The following TJP3 variants were observed in gnomAD, a reference collection of about 807,000 sequenced individuals.
The protein encoded by TJP3 is tight junction protein 3.
In TJP3, 85 loss-of-function variants were observed where a neutral mutation model predicts 104.2. The ratio of observed to expected loss-of-function variants is 0.82; its 90% CI spans 0.68 to 0.98. TJP3 has a LOEUF of 0.98. TJP3 is among the 50% of genes least tolerant of loss of function. TJP3 has a pLI of 0.00. For synonymous variants in TJP3, 550 were observed against 550.6 expected (o/e 1.00, Z 0.02); for missense variants, 1,367 against 1,322.8 (o/e 1.03, Z -0.52).
intron 1 of TJP3, among the ~76,000 whole-genome samples, chr19:3,719,210 A>T (rs1471236929): frequency 2.0e-5 from 3 of 151,270 alleles, no homozygotes; most frequent in African/African-American, 4.8e-5. Flanking sequence ...GCTGGACCTT[A>T]ATCATCTAAA....
intron 1 of TJP3, among the ~76,000 whole-genome samples, chr19:3,718,057 T>C (rs1208616930): frequency 6.6e-6 from 1 of 151,440 alleles, no homozygotes; most frequent in African/African-American, 2.4e-5. Context: ...CTACTAAAAG[T>C]ACAAAAATCA....
At chr19:3,735,463 T>G in intron 8 of TJP3, 103 bp from the exon 9 acceptor site, 1 of 1,182,084 alleles carries the variant, frequency 8.5e-7, no homozygotes, top group Admixed American at 1.7e-5. Context: ...CCTCCCAAAA[T>G]GCTAGGATTA....
chr19:3,723,808 A>AAAAAT lies in TJP3; in HGVS notation c.-9-4615_-9-4614insAAATA, dbSNP rs368301716. Among the ~76,000 whole-genome samples the AAAAAT allele has an allele frequency of 7.2e-3, 923 of 128,882 alleles. 5 individuals carry two copies. Among genetic ancestry groups the AAAAAT allele is most frequent in the Non-Finnish European group, 0.01 (628 of 61,148 alleles). The allele number at this position is 128,882 out of a possible 152,430, so 84.6% of individuals were successfully genotyped here. ...ACTCTGTCTCAAAAGAAAAAAAAAA[A>AAAAAT]ATATATATATATATATATATAAAAT... On this transcript the variant is annotated intron_variant, in intron 1 of 20. Coordinates refer to ENST00000541714, the MANE Select transcript of TJP3 (RefSeq NM_001267560.2).
At chr19:3,714,679 G>T (rs867253093) in intron 1 of TJP3, among the ~76,000 whole-genome samples, 1 of 151,990 alleles carries the variant, frequency 6.6e-6, no homozygotes, top group African/African-American at 2.4e-5. Flanking sequence ...AGGCCAAGGC[G>T]GGCGGATCAC....
intron 1 of TJP3, among the ~76,000 whole-genome samples, chr19:3,726,069 C>G (rs936024119): frequency 2.6e-5 from 4 of 152,266 alleles, no homozygotes; most frequent in Non-Finnish European, 5.9e-5. Context: ...CTGGAGCGCA[C>G]CAATGGGGGG....
chr19:3,721,919 C>A, intron 1 of TJP3: 1 of 1,225,494 alleles, frequency 8.2e-7, no homozygotes, highest in South Asian at 4.1e-5. Flanking sequence ...AGGCGAGTAA[C>A]CCTCCAAGGG....
intron 1 of TJP3, among the ~76,000 whole-genome samples, chr19:3,723,919 A>G (rs1186079523): frequency 6.6e-6 from 1 of 151,862 alleles, no homozygotes; most frequent in Non-Finnish European, 1.5e-5. Flanking sequence ...GTGGCATTTG[A>G]GCCTAGACCT....
intron 8 of TJP3, among the ~76,000 whole-genome samples, chr19:3,734,870 C>T (rs964602156): frequency 2.0e-5 from 3 of 152,138 alleles, no homozygotes; most frequent in Non-Finnish European, 4.4e-5. Flanking sequence ...AGGAGAATCA[C>T]TTGAACCCAG....
At chr19:3,723,627 A>G (rs1387779851) in intron 1 of TJP3, among the ~76,000 whole-genome samples, 1 of 151,690 alleles carries the variant, frequency 6.6e-6, no homozygotes, top group East Asian at 1.9e-4. Context: ...CCCCACCTCT[A>G]CTAAAAATAC....
chr19:3,743,561 C>T (rs766141553), intron 14 of TJP3: 4 of 176,504 alleles, frequency 2.3e-5, no homozygotes, highest in Non-Finnish European at 3.6e-5. Context: ...ACTTTATTGA[C>T]GAACACATGC....
At position 3,733,736 on chromosome 19, in the gene TJP3, T is replaced by C; in HGVS notation, c.718-17T>C. On this transcript the variant is annotated splice_polypyrimidine_tract_variant and intron_variant, in intron 6 of 20. Transcript: ENST00000541714. ...TCATTAACTCACTTCCGCTCTTTCA[T>C]TCCTGGTCCCTTTCAGATCAACGGG... 6.2e-7 allele frequency: 1 copy of C among 1,613,692 alleles called. No individual in the cohort carries two copies. Among genetic ancestry groups the C allele is most frequent in the Non-Finnish European group, 8.5e-7 (1 of 1,179,594 alleles).
At position 3,731,837 on chromosome 19, in the gene TJP3, G is replaced by A. The variant is rs561713267; in HGVS notation, c.614-98G>A. ...CCTTATGATGCCATCAAGGTGTTAG[G>A]ATGGGAGGGCCCGCACCTGGACTGC... is the stretch of plus-strand genomic sequence containing the variant. On this transcript the variant is annotated intron_variant, in intron 5 of 20. Coordinates refer to ENST00000541714, the MANE Select transcript of TJP3 (RefSeq NM_001267560.2). 179 of 882,912 alleles carry A rather than the reference G, an allele frequency of 2.0e-4. No individual in the cohort carries two copies. In the African/African-American group the frequency reaches 2.8e-3, roughly 14 times the overall value. The allele number at this position is 882,912 out of a possible 1,614,324, so 54.7% of individuals were successfully genotyped here.
Position 3,746,774 on chromosome 19 carries a change from A to G in TJP3, c.2222-2A>G. On this transcript the variant is annotated splice_acceptor_variant, in intron 17 of 20. Transcript: ENST00000541714. LOFTEE classifies it high-confidence loss of function. This position sits in a 1 kb window ranked among gnomAD's most constrained non-coding sequence, Gnocchi z 4.1. ...GCACACACTGACGTCCCCTCCCTGCAGCCACCATCCCTCTGAATGGCACGA... is the reference window on the plus strand; with the variant it reads ...GCACACACTGACGTCCCCTCCCTGCGGCCACCATCCCTCTGAATGGCACGA... The G allele has an allele frequency of 6.2e-7, 1 of 1,607,582 alleles. No individual in the cohort carries two copies. Among genetic ancestry groups the G allele is most frequent in the Non-Finnish European group, 8.5e-7 (1 of 1,176,970 alleles).
intron 18 of TJP3, among the ~76,000 whole-genome samples, chr19:3,747,153 C>A (rs1191280041): frequency 6.6e-6 from 1 of 151,970 alleles, no homozygotes; most frequent in African/African-American, 2.4e-5. Flanking sequence ...CTCCGCCTCC[C>A]GGGTTCAAGT....
intron 20 of TJP3, 40 bp downstream of exon 20, chr19:3,750,224 C>G: frequency 6.2e-7 from 1 of 1,613,176 alleles, no homozygotes; most frequent in Non-Finnish European, 8.5e-7. Flanking sequence ...CTCAACCCTT[C>G]CCTTGGGACT....
rs557986222 is a variant in TJP3 at position 3,732,045 on chromosome 19, C to T, written c.717+7C>T. The T allele has an allele frequency of 1.9e-6, 3 of 1,609,324 alleles. No homozygotes were observed. The highest frequency in any genetic ancestry group is 1.3e-5 in the African/African-American group (1 of 74,980). On this transcript the variant is annotated splice_region_variant and intron_variant, in intron 6 of 20. Transcript: ENST00000541714. Reference sequence around the variant, plus strand: ...AGGAGATCTCATTCTACAGGTGAGGCCGGGCTTCTTGTCCTGAGAGCAGGG... The same window carrying T: ...AGGAGATCTCATTCTACAGGTGAGGTCGGGCTTCTTGTCCTGAGAGCAGGG...
Position 3,750,653 on chromosome 19 carries a change from G to T in TJP3, c.2729G>T (p.Gly910Val). 1.9e-6 allele frequency: 3 copies of T among 1,606,062 alleles called. No individual in the cohort carries two copies. Among genetic ancestry groups the T allele is most frequent in the Non-Finnish European group, 2.6e-6 (3 of 1,176,330 alleles). The change falls in exon 21 of 21, where the codon GGC becomes GTC. Residue 910 changes from glycine (G) to valine (V), a missense_variant. Physicochemically the swap from Gly to Val is moderately radical, Grantham distance 109. Transcript: ENST00000541714. ...GATGCGGAGTCCTCCGATGAAGACGGCTATGACTGGGGTCCGGCCACTGAC... is the reference window on the plus strand; with the variant it reads ...GATGCGGAGTCCTCCGATGAAGACGTCTATGACTGGGGTCCGGCCACTGAC... Reference protein sequence around the residue: ...VHDAESSDEDGYDWGPATDL With the variant: ...VHDAESSDEDVYDWGPATDL
At chr19:3,716,152 G>A (rs113626022) in intron 1 of TJP3, among the ~76,000 whole-genome samples, 1,988 of 144,292 alleles carry the variant, frequency 0.014, 221 homozygotes, top group Middle Eastern at 0.034. Flanking sequence ...AGATCACTGC[G>A]ACCTCTGCCT....
intron 1 of TJP3, among the ~76,000 whole-genome samples, chr19:3,725,068 T>C (rs2036583336): frequency 6.6e-6 from 1 of 151,952 alleles, no homozygotes. Flanking sequence ...TGAGACCAGC[T>C]TGGTCAACAT....
Sources: allele counts gnomAD v4.1 joint callset (sites outside exome capture counted in the v4.1 genomes callset), GRCh38; gene constraint gnomAD v4.1.1; non-coding constraint Gnocchi (gnomAD v3.1); transcripts MANE v1.5; gene names NCBI Gene and HGNC (gene_info 2026-07-23, HGNC 2026-07-21).